The following ANTXR2 variants were observed in gnomAD, a reference collection of about 807,000 sequenced individuals.
The protein encoded by ANTXR2 is ANTXR cell adhesion molecule 2.
ANTXR2 carries 44 observed loss-of-function variants against 73.7 expected under a neutral mutation model. That is an observed-to-expected ratio of 0.60 (90% CI 0.47 to 0.77). The LOEUF is 0.77. Ranked by LOEUF, ANTXR2 falls within the 30% of genes least tolerant of loss-of-function variation. The probability of loss-of-function intolerance (pLI) is 0.00; values close to 1 mark genes in which losing one functional copy is unlikely to be tolerated. For missense variants in ANTXR2, 604 were observed against 592.5 expected (o/e 1.02, Z -0.20); for synonymous variants, 217 against 205.9 (o/e 1.05, Z -0.46).
rs1320164744 is a variant in ANTXR2, at chr4:79,983,906, C to T, written c.1151G>A (p.Arg384Gln). 4 of 1,611,258 alleles carry T rather than the reference C, an allele frequency of 2.5e-6. No individual in the cohort carries two copies. The highest frequency in any genetic ancestry group is 2.5e-6 in the Non-Finnish European group (3 of 1,178,694). Residue 384 changes from arginine (R) to glutamine (Q), a missense_variant, in exon 14 of 17, where the codon CGA becomes CAA. Arg to Gln is a conservative substitution (Grantham distance 43). Coordinates refer to ENST00000403729, the MANE Select transcript of ANTXR2 (RefSeq NM_058172.6). ...CATTCTTTTAATTCCTCCAACCCCT[C>T]GACCACCATAATAGGAAGCATCCAC... ...PTVDASYYGG[R>Q]GVGGIKRMEV... is the part of the protein sequence containing the mutation.
chr4:79,991,126 C>A (rs890073312), intron 12 of ANTXR2, among the ~76,000 whole-genome samples: 1 of 152,068 alleles, frequency 6.6e-6, no homozygotes, highest in Non-Finnish European at 1.5e-5. Context: ...TAAAGAGCTT[C>A]TGCACAGCGA....
At chr4:79,926,954 C>CACAT (rs10674129) in intron 16 of ANTXR2, among the ~76,000 whole-genome samples, 74,485 of 119,406 alleles carry the variant, frequency 0.62, 25,503 homozygotes, top group East Asian at 0.98. Flanking sequence ...TGTATATATA[C>CACAT]GTGTGCATAT....
intron 3 of ANTXR2, among the ~76,000 whole-genome samples, chr4:80,063,466 A>C (rs927918596): frequency 5.9e-5 from 9 of 151,886 alleles, no homozygotes; most frequent in Non-Finnish European, 1.0e-4. Context: ...TCTTGTTGAA[A>C]TAAAATCAAA....
intron 16 of ANTXR2, among the ~76,000 whole-genome samples, chr4:79,946,272 G>A (rs1005225649): frequency 6.6e-6 from 1 of 152,136 alleles, no homozygotes; most frequent in African/African-American, 2.4e-5. Flanking sequence ...ACTAAGTTAG[G>A]TCGTGTGCCT....
chr4:80,072,788 CTT>C lies in ANTXR2; in HGVS notation c.-230_-229del, dbSNP rs80314910. ...CACCGCCGCAGCTGCCGCCGGAACTCTTGACGAATCCCAGTGGAAGCGCGATC... is the reference window on the plus strand; with the variant it reads ...CACCGCCGCAGCTGCCGCCGGAACTCGACGAATCCCAGTGGAAGCGCGATC... On this transcript the variant is annotated 5_prime_UTR_variant, in exon 1 of 17. Transcript: ENST00000403729. 68,247 of 1,169,060 alleles carry C rather than the reference CTT, an allele frequency of 0.058. 3,190 individuals are homozygous for C. The highest frequency in any genetic ancestry group is 0.3 in the East Asian group (9,085 of 30,768). 72.4% of individuals were successfully genotyped at this position (1,169,060 alleles called of 1,614,324 possible).
In ANTXR2 at chr4:79,954,641, T is replaced by C. The variant is rs185208385; in HGVS notation, c.1428+22980A>G. On this transcript the variant is annotated intron_variant, in intron 16 of 16. Coordinates refer to ENST00000403729, the MANE Select transcript of ANTXR2 (RefSeq NM_058172.6). ...AAGAATGAATTTGTGATTGAAATAA[T>C]ATTAATTCAGGATTTTGTTCTATTT... Among the ~76,000 whole-genome samples, 387 of 152,272 alleles carry C rather than the reference T, an allele frequency of 2.5e-3. 3 individuals carry two copies. The highest frequency in any genetic ancestry group is 8.7e-3 in the African/African-American group (361 of 41,544).
At chr4:80,028,749 C>A (rs1333733638) in intron 10 of ANTXR2, among the ~76,000 whole-genome samples, 1 of 152,136 alleles carries the variant, frequency 6.6e-6, no homozygotes, top group Non-Finnish European at 1.5e-5. Context: ...ACATATTAAG[C>A]ATCAGTCACC....
intron 12 of ANTXR2, among the ~76,000 whole-genome samples, chr4:80,004,941 A>G (rs1270364702): frequency 6.6e-6 from 1 of 152,118 alleles, no homozygotes. Context: ...GAGGCAGAAA[A>G]AAGAAAAAAA....
At chr4:79,915,398 C>T (rs942428170) in intron 16 of ANTXR2, among the ~76,000 whole-genome samples, 15 of 152,094 alleles carry the variant, frequency 9.9e-5, no homozygotes, top group African/African-American at 2.7e-4. Context: ...CTGGCATTAA[C>T]GCTTGTGAGC....
chr4:80,059,751 G>A (rs1734155829), intron 3 of ANTXR2, among the ~76,000 whole-genome samples: 1 of 152,012 alleles, frequency 6.6e-6, no homozygotes, highest in Non-Finnish European at 1.5e-5. Context: ...GGGAAGGAGA[G>A]GGGAGAAGAG....
chr4:80,001,030 C>A (rs765921704), intron 12 of ANTXR2, among the ~76,000 whole-genome samples: 7 of 152,026 alleles, frequency 4.6e-5, no homozygotes, highest in Non-Finnish European at 7.4e-5. Flanking sequence ...CCAAAAATCC[C>A]TTGTTGCTCT....
At chr4:80,019,881 C>G (rs1732073638) in intron 10 of ANTXR2, among the ~76,000 whole-genome samples, 1 of 151,832 alleles carries the variant, frequency 6.6e-6, no homozygotes, top group South Asian at 2.1e-4. Flanking sequence ...AATTATAAAA[C>G]AAGTAATAAT....
At chr4:79,930,461 C>G (rs933839086) in intron 16 of ANTXR2, among the ~76,000 whole-genome samples, 3 of 152,174 alleles carry the variant, frequency 2.0e-5, no homozygotes, top group African/African-American at 7.2e-5. Flanking sequence ...ATTCACATTT[C>G]CATCTTCCTA....
intron 9 of ANTXR2, among the ~76,000 whole-genome samples, chr4:80,031,942 C>T (rs1200656561): frequency 1.3e-5 from 2 of 151,566 alleles, no homozygotes; most frequent in Non-Finnish European, 3.0e-5. Flanking sequence ...ACATACCATT[C>T]TAGATACTAT....
At chr4:79,944,824 C>G (rs1198225367) in intron 16 of ANTXR2, among the ~76,000 whole-genome samples, 2 of 152,064 alleles carry the variant, frequency 1.3e-5, no homozygotes, top group Non-Finnish European at 2.9e-5. Context: ...TGTTTTCTCC[C>G]TAGAGTTTGA....
At chr4:80,008,022 T>G (rs1012898596) in intron 12 of ANTXR2, among the ~76,000 whole-genome samples, 6 of 152,174 alleles carry the variant, frequency 3.9e-5, no homozygotes, top group African/African-American at 1.4e-4. Context: ...CTCCTCGTCA[T>G]TACTCCAAAA....
intron 14 of ANTXR2, among the ~76,000 whole-genome samples, chr4:79,982,948 A>C (rs1354164269): frequency 6.6e-6 from 1 of 152,162 alleles, no homozygotes; most frequent in Non-Finnish European, 1.5e-5. Context: ...CTCCTTGGGA[A>C]TCTGAATTTT....
rs182497991 is a variant in ANTXR2, at chr4:80,003,159, C to T, written c.1041+5362G>A. On this transcript the variant is annotated intron_variant, in intron 12 of 16. Coordinates refer to ENST00000403729, the MANE Select transcript of ANTXR2 (RefSeq NM_058172.6). ...CACAATAGCAAAGACTTGGAACCAA[C>T]GCAAATGTCCATGAATGATAGATTG... is the stretch of plus-strand genomic sequence containing the variant. 3.9e-4 allele frequency among the ~76,000 whole-genome samples: 59 copies of T among 152,190 alleles called. 1 individual carries two copies. In the East Asian group the frequency reaches 7.9e-3, roughly 20 times the overall value.
chr4:79,967,112 G>A (rs1419255013), intron 16 of ANTXR2, among the ~76,000 whole-genome samples: 2 of 70,316 alleles, frequency 2.8e-5, no homozygotes, highest in African/African-American at 7.5e-5. Flanking sequence ...CCTGGGAAGC[G>A]CAAGGGGTCA....
Sources: gnomAD v4.1 joint callset for allele counts (sites outside exome capture counted in the v4.1 genomes callset) on GRCh38, gnomAD v4.1.1 for gene constraint, MANE v1.5 for transcripts, NCBI Gene and HGNC (gene_info 2026-07-23, HGNC 2026-07-21) for gene names.